The following ALPK2 variants were observed in gnomAD, a reference collection of about 807,000 sequenced individuals.
ALPK2 encodes alpha-protein kinase 2.
A neutral mutation model predicts 163.1 loss-of-function variants in ALPK2; 127 were observed. The observed-to-expected ratio is 0.78, with a 90% CI of 0.67 to 0.90. The LOEUF is 0.90. ALPK2 is among the 40% of genes least tolerant of loss of function. The pLI, the probability that ALPK2 is intolerant of heterozygous loss-of-function variation, is 0.00. For synonymous variants in ALPK2, 953 were observed against 959.1 expected (o/e 0.99, Z 0.12); for missense variants, 2,360 against 2,589.6 (o/e 0.91, Z 1.92).
At chr18:58,527,045 T>C (rs1222975070) in intron 6 of ALPK2, among the ~76,000 whole-genome samples, 1 of 152,234 alleles carries the variant, frequency 6.6e-6, no homozygotes, top group African/African-American at 2.4e-5. Flanking sequence ...CGCATTCCTT[T>C]GCCTGATGGA....
intron 1 of ALPK2, among the ~76,000 whole-genome samples, chr18:58,619,355 G>T: frequency 6.6e-6 from 1 of 151,912 alleles, no homozygotes; most frequent in South Asian, 2.1e-4. Context: ...CTCACAGCCT[G>T]CAAGTGGCAG....
At position 58,535,472 on chromosome 18, in the gene ALPK2, A is replaced by G. The variant is rs367640256; in HGVS notation, c.4715T>C (p.Ile1572Thr). 1.4e-5 allele frequency: 22 copies of G among 1,614,130 alleles called. 1 individual carries two copies. The South Asian group carries it at 1.8e-4, about 13-fold the overall frequency. The change falls in exon 5 of 13, where the codon ATA (isoleucine) becomes ACA (threonine). Residue 1572 changes from isoleucine to threonine, a missense_variant. By Grantham distance (89) the Ile-to-Thr change is moderately conservative (BLOSUM62 -1). Transcript: ENST00000361673. ...GQIHDVPEND[I>T]VEPRKRQYVF... ...ATACTGACGCTTTCTGGGCTCAACTATGTCATTTTCAGGGACGTCATGAAT... is the reference window on the plus strand; with the variant it reads ...ATACTGACGCTTTCTGGGCTCAACTGTGTCATTTTCAGGGACGTCATGAAT...
chr18:58,498,172 G>C, intron 11 of ALPK2, 75 bp from the exon 12 acceptor site: 1 of 1,394,524 alleles, frequency 7.2e-7, no homozygotes, highest in South Asian at 1.2e-5. Flanking sequence ...TCTAGCCCCA[G>C]GGAAGGGGTA....
chr18:58,573,244 G>GTGTATATATGTATATATT (rs2051896268), intron 4 of ALPK2, among the ~76,000 whole-genome samples: 1 of 143,756 alleles, frequency 7.0e-6, no homozygotes, highest in Admixed American at 6.9e-5. Context: ...GTGTATATAT[G>GTGTATATATGTATATATT]TGTATATATG....
At chr18:58,596,162 G>A (rs190064082) in intron 3 of ALPK2, among the ~76,000 whole-genome samples, 1 of 152,218 alleles carries the variant, frequency 6.6e-6, no homozygotes, top group Non-Finnish European at 1.5e-5. Flanking sequence ...AGCAAAACCA[G>A]GTCTGAGAAT....
chr18:58,613,641 G>A (rs959202748), intron 1 of ALPK2, among the ~76,000 whole-genome samples: 1 of 151,012 alleles, frequency 6.6e-6, no homozygotes, highest in Non-Finnish European at 1.5e-5. Flanking sequence ...AGAGGTTGCG[G>A]TGAGCCGAGA....
At chr18:58,615,853 C>A (rs1602241602) in intron 1 of ALPK2, among the ~76,000 whole-genome samples, 1 of 152,232 alleles carries the variant, frequency 6.6e-6, no homozygotes, top group African/African-American at 2.4e-5. Flanking sequence ...TGATGACTTC[C>A]TGACAGTGTT....
At chr18:58,567,880 T>G (rs9957531) in intron 4 of ALPK2, among the ~76,000 whole-genome samples, 1 of 151,848 alleles carries the variant, frequency 6.6e-6, no homozygotes, top group African/African-American at 2.4e-5. Context: ...GCAGGTTGAG[T>G]GGCGCCCCCA....
At chr18:58,524,213 T>C (rs1197668418) in intron 6 of ALPK2, 151 bp from the exon 7 acceptor site, 1 of 1,101,318 alleles carries the variant, frequency 9.1e-7, no homozygotes, top group Middle Eastern at 3.1e-4. Flanking sequence ...ATCAGCTGTT[T>C]AAATAATTGA....
chr18:58,579,304 A>G lies in ALPK2; in HGVS notation c.1472T>C (p.Val491Ala). Reference protein sequence around the residue: ...SDNLLNMDESVRETEMKLLSG... With the variant: ...SDNLLNMDESARETEMKLLSG... ...CAAGAGCTTCATCTCTGTCTCTCTT[A>G]CTGATTCATCCATGTTGAGCAGATT... Residue 491 changes from valine (V) to alanine (A), a missense_variant, in exon 4 of 13, where the codon GTA becomes GCA. Coordinates refer to ENST00000361673, the MANE Select transcript of ALPK2 (RefSeq NM_052947.4). 2 of 1,613,998 alleles carry G rather than the reference A, an allele frequency of 1.2e-6. No individual in the cohort carries two copies. Among genetic ancestry groups the G allele is most frequent in the Non-Finnish European group, 1.7e-6 (2 of 1,179,988 alleles).
chr18:58,512,918 T>TGGTGTGTGG (rs2051500027), intron 10 of ALPK2, among the ~76,000 whole-genome samples: 1 of 89,910 alleles, frequency 1.1e-5, no homozygotes, highest in South Asian at 3.0e-4. Flanking sequence ...GGTGTATGTG[T>TGGTGTGTGG]GATGTGTGGG....
Position 58,535,262 on chromosome 18 carries a change from G to T in ALPK2, c.4925C>A (p.Pro1642His), listed in dbSNP as rs1449839904. 2 of 1,614,034 alleles carry T rather than the reference G, an allele frequency of 1.2e-6. No homozygotes were observed. Among genetic ancestry groups the T allele is most frequent in the African/African-American group, 2.7e-5 (2 of 74,932 alleles). Residue 1642 changes from proline (P) to histidine (H), a missense_variant, in exon 5 of 13, where the codon CCC becomes CAC. Pro to His is a moderately conservative substitution (Grantham distance 77). Transcript: ENST00000361673. ...IEVLQIGETK[P>H]PSSSSSSAKT... ...CGCTGAGGAGCTAGATGAGCTTGGG[G>T]GTTTGGTTTCCCCAATTTGAAGCAC...
intron 4 of ALPK2, among the ~76,000 whole-genome samples, chr18:58,548,293 G>A (rs1391091554): frequency 1.3e-5 from 2 of 151,794 alleles, no homozygotes; most frequent in African/African-American, 4.8e-5. Flanking sequence ...CAGCAGGATA[G>A]TGATAGGACC....
intron 1 of ALPK2, among the ~76,000 whole-genome samples, chr18:58,613,838 C>T (rs1350852738): frequency 6.6e-6 from 1 of 152,078 alleles, no homozygotes; most frequent in Admixed American, 6.6e-5. Context: ...GGATGCTGCC[C>T]TTGGAGCATT....
At chr18:58,486,550 C>T (rs536132079) in intron 12 of ALPK2, among the ~76,000 whole-genome samples, 1 of 152,266 alleles carries the variant, frequency 6.6e-6, no homozygotes, top group African/African-American at 2.4e-5. Context: ...GGGCCCAGCT[C>T]CATGCTCAGC....
At chr18:58,514,447 A>G (rs1432527018) in intron 10 of ALPK2, among the ~76,000 whole-genome samples, 3 of 152,194 alleles carry the variant, frequency 2.0e-5, no homozygotes, top group Admixed American at 6.5e-5. Flanking sequence ...AGGCTCCCCA[A>G]AATTTGCTTG....
Position 58,580,394 on chromosome 18 carries a change from C to G in ALPK2, c.382G>C (p.Glu128Gln). ...EDDRDRGWKH[E>Q]TGTHEEERAN... ...CTTTCTTCTTCATGTGTCCCTGTTT[C>G]ATGTTTCCAACCCCTGTCCCTGTCA... The change falls in exon 4 of 13, where the codon GAA (glutamate) becomes CAA (glutamine). Residue 128 changes from glutamate to glutamine, a missense_variant. By Grantham distance (29) the Glu-to-Gln change is conservative. Transcript: ENST00000361673. 3 of 1,614,168 alleles carry G rather than the reference C, an allele frequency of 1.9e-6. No individual in the cohort carries two copies. The highest frequency in any genetic ancestry group is 2.5e-6 in the Non-Finnish European group (3 of 1,180,020).
At chr18:58,513,987 T>G (rs1464378161) in intron 10 of ALPK2, among the ~76,000 whole-genome samples, 1 of 152,230 alleles carries the variant, frequency 6.6e-6, no homozygotes, top group Non-Finnish European at 1.5e-5. Flanking sequence ...GTGGTAGGGT[T>G]GACTTGTGGG....
chr18:58,583,773 G>T (rs72956662), intron 3 of ALPK2, among the ~76,000 whole-genome samples: 3 of 151,254 alleles, frequency 2.0e-5, no homozygotes, highest in Admixed American at 6.6e-5. Context: ...GAAAAAGGCG[G>T]GGGGGCTGTG....
Sources: allele counts gnomAD v4.1 joint callset (sites outside exome capture counted in the v4.1 genomes callset), GRCh38; gene constraint gnomAD v4.1.1; transcripts MANE v1.5; gene names NCBI Gene and HGNC (gene_info 2026-07-23, HGNC 2026-07-21).